Variants in LAMA1 observed in about 807,000 individuals in gnomAD.
LAMA1 encodes the protein laminin subunit alpha 1, also known as laminin subunit alpha-1.
Under a neutral mutation model 348.7 loss-of-function variants are expected in LAMA1, and 219 were observed. That is an observed-to-expected ratio of 0.63 (90% CI 0.56 to 0.70). The LOEUF is 0.70. Among genes scored for constraint, LAMA1 ranks in the 30% least tolerant of loss-of-function variants. The pLI is 0.00. For synonymous variants in LAMA1, 1,487 were observed against 1,491.0 expected (o/e 1.00, Z 0.06); for missense variants, 3,744 against 3,888.0 (o/e 0.96, Z 0.99).
intron 42 of LAMA1, among the ~76,000 whole-genome samples, chr18:6,979,163 A>AATAT (rs2057696837): frequency 1.3e-5 from 2 of 152,286 alleles, no homozygotes; most frequent in Admixed American, 1.3e-4. Flanking sequence ...ATTTAGTCAA[A>AATAT]ATATACCATG....
chr18:7,048,630 C>A (rs374744232), intron 5 of LAMA1, among the ~76,000 whole-genome samples: 2 of 152,106 alleles, frequency 1.3e-5, no homozygotes, highest in South Asian at 4.2e-4. Flanking sequence ...TTAGTAATCC[C>A]ACTCCTGGGT....
intron 3 of LAMA1, among the ~76,000 whole-genome samples, chr18:7,054,602 A>C (rs547932756): frequency 6.6e-6 from 1 of 152,236 alleles, no homozygotes; most frequent in Admixed American, 6.5e-5. Flanking sequence ...TAGCCATGCA[A>C]TACATGTGTG....
chr18:6,972,905 G>C (rs2057664611), intron 47 of LAMA1, 152 bp downstream of exon 47: 2 of 762,806 alleles, frequency 2.6e-6, no homozygotes, highest in Non-Finnish European at 4.6e-6. Flanking sequence ...TGGTCAGGCT[G>C]GTCTTGAACT....
At chr18:6,978,433 G>A (rs2057693225) in intron 42 of LAMA1, 55 bp from the exon 43 acceptor site, 1 of 1,439,542 alleles carries the variant, frequency 6.9e-7, no homozygotes, top group East Asian at 2.3e-5. Context: ...ACAGAGAAAA[G>A]AATAAAACGA....
chr18:7,037,816 A>G (rs1215359196), intron 11 of LAMA1, 65 bp from the exon 12 acceptor site: 14 of 1,502,596 alleles, frequency 9.3e-6, no homozygotes, highest in Non-Finnish European at 1.1e-5. Flanking sequence ...CACCCAGTGC[A>G]GCAGTAATAT....
At position 6,978,201 on chromosome 18, in the gene LAMA1, A is replaced by G; in HGVS notation, c.6185T>C (p.Met2062Thr). Residue 2062 changes from methionine to threonine, a missense_variant, in exon 43 of 63, where the codon ATG becomes ACG. Coordinates refer to ENST00000389658, the MANE Select transcript of LAMA1 (RefSeq NM_005559.4). ...ETHQLLQDSTMATLLAGRKVK... is the reference protein window; with the variant it reads ...ETHQLLQDSTTATLLAGRKVK... ...AAGGAAGGGCGCTGACATACTGGCC[A>G]TGGTGGAGTCCTGCAGAAGCTGGTG... 6.2e-6 allele frequency: 10 copies of G among 1,614,250 alleles called. No individual in the cohort carries two copies. The highest frequency in any genetic ancestry group is 1.3e-5 in the African/African-American group (1 of 75,064).
chr18:7,014,119 A>C, intron 22 of LAMA1, 68 bp from the exon 23 acceptor site: 1 of 1,193,988 alleles, frequency 8.4e-7, no homozygotes, highest in Middle Eastern at 1.9e-4. Context: ...CACATATTTG[A>C]ATTACAGGAA....
At chr18:7,062,571 A>T (rs2058106627) in intron 3 of LAMA1, among the ~76,000 whole-genome samples, 1 of 152,202 alleles carries the variant, frequency 6.6e-6, no homozygotes, top group Non-Finnish European at 1.5e-5. Flanking sequence ...GGAAATCATG[A>T]GAGATGGTGG....
At chr18:7,049,771 T>C (rs2058055533) in intron 4 of LAMA1, among the ~76,000 whole-genome samples, 1 of 152,232 alleles carries the variant, frequency 6.6e-6, no homozygotes, top group Admixed American at 6.5e-5. Flanking sequence ...CTTCAGTTTA[T>C]TGAAGGTATC....
At chr18:6,962,388 G>C (rs1026416768) in intron 51 of LAMA1, among the ~76,000 whole-genome samples, 1 of 132,898 alleles carries the variant, frequency 7.5e-6, no homozygotes. Context: ...CTCCAGCCTG[G>C]GTGACAGAGC....
intron 3 of LAMA1, among the ~76,000 whole-genome samples, chr18:7,060,436 T>C (rs1193644885): frequency 6.6e-6 from 1 of 152,214 alleles, no homozygotes; most frequent in Non-Finnish European, 1.5e-5. Flanking sequence ...TTTCTCTTTT[T>C]TGCTCCTTTT....
chr18:7,023,053 T>G (rs1011842603), intron 19 of LAMA1, 111 bp downstream of exon 19: 1 of 1,177,034 alleles, frequency 8.5e-7, no homozygotes, highest in Non-Finnish European at 1.2e-6. Context: ...AAGTAACCCC[T>G]CAAGAGAGTG....
chr18:7,008,903 G>A (rs1309378078), intron 27 of LAMA1, among the ~76,000 whole-genome samples: 1 of 152,180 alleles, frequency 6.6e-6, no homozygotes, highest in Admixed American at 6.6e-5. Context: ...AGTATGAGAT[G>A]AGTAGGTGAC....
chr18:6,975,179 T>G (rs1007857471), intron 45 of LAMA1, 143 bp from the exon 46 acceptor site: 2 of 1,087,072 alleles, frequency 1.8e-6, no homozygotes, highest in African/African-American at 3.2e-5. Context: ...CAAATCTATT[T>G]TCTTTTGTTT....
chr18:7,054,697 A>T (rs1344779853), intron 3 of LAMA1, among the ~76,000 whole-genome samples: 1 of 152,046 alleles, frequency 6.6e-6, no homozygotes, highest in Non-Finnish European at 1.5e-5. Context: ...TTATAAACTA[A>T]TTTTTTTGTG....
chr18:6,987,545 A>G (rs1217027077), intron 36 of LAMA1, among the ~76,000 whole-genome samples: 1 of 152,192 alleles, frequency 6.6e-6, no homozygotes, highest in East Asian at 1.9e-4. Flanking sequence ...ATCAATTTTG[A>G]ATTTATAGCT....
chr18:6,971,773 G>C, intron 48 of LAMA1, 84 bp downstream of exon 48: 1 of 1,568,126 alleles, frequency 6.4e-7, no homozygotes, highest in Non-Finnish European at 8.8e-7. Flanking sequence ...ATTCCTTGAC[G>C]TGCATGTATT....
In LAMA1 at chr18:6,971,846, C is replaced by G. The variant is rs185888060; in HGVS notation, c.6899+11G>C. On this transcript the variant is annotated intron_variant, in intron 48 of 62. Coordinates refer to ENST00000389658, the MANE Select transcript of LAMA1 (RefSeq NM_005559.4). Reference sequence around the variant, plus strand: ...TAACATACTATGTGCTAAACCGTGACGACATCTTACCTTCCGAAGCACCCA... The same window carrying G: ...TAACATACTATGTGCTAAACCGTGAGGACATCTTACCTTCCGAAGCACCCA... 1 of 1,613,974 alleles carries G rather than the reference C, an allele frequency of 6.2e-7. No homozygotes were observed. The highest frequency in any genetic ancestry group is 8.5e-7 in the Non-Finnish European group (1 of 1,179,958).
At chr18:7,084,310 T>C (rs1374778821) in intron 1 of LAMA1, among the ~76,000 whole-genome samples, 1 of 151,858 alleles carries the variant, frequency 6.6e-6, no homozygotes, top group Non-Finnish European at 1.5e-5. Context: ...GGAGGTGAGA[T>C]AGGAAATCAG....
Sources: gnomAD v4.1 joint callset for allele counts (sites outside exome capture counted in the v4.1 genomes callset) on GRCh38, gnomAD v4.1.1 for gene constraint, MANE v1.5 for transcripts, NCBI Gene and HGNC (gene_info 2026-07-23, HGNC 2026-07-21) for gene names.